Variants in CDKN2B-AS1 observed in about 807,000 individuals in gnomAD.
CDKN2B-AS1 encodes the protein CDKN2B and CDKN2A antisense cis and trans regulatory RNA 1.
intron 1 of CDKN2B-AS1, chr9:22,009,331 G>A (rs930579446): frequency 4.9e-6 from 2 of 405,672 alleles, no homozygotes; most frequent in Admixed American, 8.8e-5. Context: ...AAAGAATTCC[G>A]TTTTCAGCTG....
intron 1 of CDKN2B-AS1, chr9:22,008,860 G>C: frequency 1.2e-6 from 2 of 1,611,680 alleles, no homozygotes; most frequent in Non-Finnish European, 8.5e-7. Context: ...TCCAGGAGCT[G>C]TCGCACCTTC....
chr9:22,037,576 T>G (rs1822740827), intron 1 of CDKN2B-AS1, among the ~76,000 whole-genome samples: 3 of 152,238 alleles, frequency 2.0e-5, no homozygotes, highest in Admixed American at 2.0e-4. Flanking sequence ...TTGCTGTTCC[T>G]GTTTGGTGTG....
intron 1 of CDKN2B-AS1, among the ~76,000 whole-genome samples, chr9:22,016,744 T>G (rs900933222): frequency 3.0e-4 from 45 of 152,304 alleles, no homozygotes; most frequent in Non-Finnish European, 5.9e-4. Context: ...TGGCTAGCCA[T>G]ATGTAGAAAG....
intron 4 of CDKN2B-AS1, among the ~76,000 whole-genome samples, chr9:22,102,002 A>G (rs1008347285): frequency 1.3e-5 from 2 of 152,170 alleles, no homozygotes; most frequent in African/African-American, 4.8e-5. Flanking sequence ...GCCTATGGTC[A>G]TAACTCAGCT....
intron 4 of CDKN2B-AS1, among the ~76,000 whole-genome samples, chr9:22,062,682 T>A: frequency 6.6e-6 from 1 of 152,116 alleles, no homozygotes; most frequent in Non-Finnish European, 1.5e-5. Flanking sequence ...TGTCATCTCA[T>A]GCATGGGTTT....
chr9:22,126,643 G>C (rs1818028633), intron 4 of CDKN2B-AS1, among the ~76,000 whole-genome samples: 1 of 146,078 alleles, frequency 6.8e-6, no homozygotes, highest in Non-Finnish European at 1.5e-5. Context: ...CGCTATCTCG[G>C]CTCACTGCAA....
At chr9:22,016,034 A>G (rs563431553) in intron 1 of CDKN2B-AS1, among the ~76,000 whole-genome samples, 2 of 152,012 alleles carry the variant, frequency 1.3e-5, no homozygotes, top group Non-Finnish European at 2.9e-5. Context: ...ATTTTCTCCC[A>G]TTTTGTAGGT....
Position 22,018,311 on chromosome 9 carries a change from G to A in CDKN2B-AS1, n.29+23150G>A, listed in dbSNP as rs193185138. On this transcript the variant is annotated intron_variant and non_coding_transcript_variant, in intron 1 of 4. Coordinates refer to ENST00000650946, the Ensembl canonical transcript of CDKN2B-AS1. Reference sequence around the variant, plus strand: ...CCTGATGACTTTTTTTTTTTTAATTGTTACTTTCAACTTCCTTGCTTTGAC... The same window carrying A: ...CCTGATGACTTTTTTTTTTTTAATTATTACTTTCAACTTCCTTGCTTTGAC... Among the ~76,000 whole-genome samples the A allele has an allele frequency of 2.7e-4, 40 of 148,540 alleles. No individual in the cohort carries two copies. The East Asian group carries it at 7.6e-3, about 28-fold the overall frequency.
intron 1 of CDKN2B-AS1, chr9:22,004,787 T>G (rs542318941): frequency 4.3e-6 from 1 of 233,170 alleles, no homozygotes; most frequent in Non-Finnish European, 8.5e-6. Flanking sequence ...ACTGCATAAG[T>G]GCATCTATCT....
intron 4 of CDKN2B-AS1, among the ~76,000 whole-genome samples, chr9:22,064,891 C>A (rs926279891): frequency 2.6e-5 from 4 of 152,168 alleles, no homozygotes; most frequent in African/African-American, 9.7e-5. Context: ...TTTCTCCCAT[C>A]CTTGGAGTTG....
intron 4 of CDKN2B-AS1, among the ~76,000 whole-genome samples, chr9:22,078,682 A>G (rs1231665613): frequency 6.6e-6 from 1 of 152,238 alleles, no homozygotes; most frequent in Non-Finnish European, 1.5e-5. Flanking sequence ...TCTATGGATT[A>G]TGTTTTGAGC....
intron 4 of CDKN2B-AS1, among the ~76,000 whole-genome samples, chr9:22,074,404 T>G (rs919598780): frequency 4.6e-5 from 7 of 152,292 alleles, no homozygotes; most frequent in Non-Finnish European, 1.0e-4. Flanking sequence ...ATTATAAAAC[T>G]ATCACCACAT....
chr9:22,071,881 G>T (rs1007634799), intron 4 of CDKN2B-AS1, among the ~76,000 whole-genome samples: 1 of 152,126 alleles, frequency 6.6e-6, no homozygotes, highest in Non-Finnish European at 1.5e-5. Context: ...GTTTGATATT[G>T]TTTGTAGTTC....
intron 4 of CDKN2B-AS1, among the ~76,000 whole-genome samples, chr9:22,085,557 A>G (rs1346385963): frequency 2.6e-5 from 4 of 151,888 alleles, no homozygotes; most frequent in African/African-American, 9.7e-5. Flanking sequence ...CGTCTCTACT[A>G]AAAAATACAA....
chr9:22,091,252 A>T (rs1026081387), intron 4 of CDKN2B-AS1, among the ~76,000 whole-genome samples: 39 of 152,308 alleles, frequency 2.6e-4, no homozygotes, highest in African/African-American at 9.4e-4. Flanking sequence ...GTTTGAAGTC[A>T]GGTAGCGTGA....
intron 4 of CDKN2B-AS1, among the ~76,000 whole-genome samples, chr9:22,105,093 A>T (rs1427986768): frequency 6.6e-6 from 1 of 152,216 alleles, no homozygotes; most frequent in African/African-American, 2.4e-5. Flanking sequence ...TTGAAGAAAG[A>T]TGATTGAAAC....
intron 1 of CDKN2B-AS1, among the ~76,000 whole-genome samples, chr9:22,021,572 C>G (rs1822019646): frequency 6.6e-6 from 1 of 152,122 alleles, no homozygotes; most frequent in Admixed American, 6.5e-5. Context: ...GAATGCTTTT[C>G]CATTTGTTTA....
At chr9:22,120,919 A>T (rs1277104992) in intron 4 of CDKN2B-AS1, 1 of 152,116 alleles carries the variant, frequency 6.6e-6, no homozygotes, top group East Asian at 1.9e-4. Flanking sequence ...TAACAACCTT[A>T]TAAGGTGGTT....
chr9:22,009,147 G>T, intron 1 of CDKN2B-AS1: 1 of 728,622 alleles, frequency 1.4e-6, no homozygotes. Flanking sequence ...CCGGTCGTTA[G>T]CTCCGGGCTT....
Sources: allele counts gnomAD v4.1 joint callset (sites outside exome capture counted in the v4.1 genomes callset), GRCh38; gene constraint gnomAD v4.1.1; transcripts MANE v1.5; gene names NCBI Gene and HGNC (gene_info 2026-07-23, HGNC 2026-07-21).